The following FOCAD variants were observed in gnomAD, a reference collection of about 807,000 sequenced individuals.
FOCAD encodes the protein focadhesin, also known as KIAA1797.
In FOCAD, 198 loss-of-function variants were observed where a neutral mutation model predicts 225.6. The observed-to-expected ratio is 0.88, with a 90% confidence interval of 0.78 to 0.99. The LOEUF is 0.99. Among genes scored for constraint, FOCAD ranks in the 50% least tolerant of loss-of-function variants. FOCAD has a pLI of 0.00. For synonymous variants in FOCAD, 897 were observed against 755.0 expected, an observed-to-expected ratio of 1.19 and a Z score of -3.08; for missense variants, 2,713 against 2,123.6, an observed-to-expected ratio of 1.28 and a Z score of -5.46.
At chr9:20,781,622 T>C (rs1459299236) in intron 9 of FOCAD, 105 bp from the exon 10 acceptor site, 6 of 907,310 alleles carry the variant, frequency 6.6e-6, no homozygotes, top group Admixed American at 1.9e-5. Flanking sequence ...GACCCAGTTA[T>C]AAAAGGGAAG....
In FOCAD at chr9:20,797,028, C is replaced by A. The variant is rs867158598; in HGVS notation, c.1455+7420C>A. The stretch of plus-strand genomic sequence containing the variant: ...GGAAGGGATCCAGTTTCAGCTTTCT[C>A]CGTATGGCTAGCCAGTTTTCCCACC... On this transcript the variant is annotated intron_variant, in intron 11 of 43. Transcript: ENST00000338382. Among the ~76,000 whole-genome samples, 17 of 152,102 alleles carry A rather than the reference C, an allele frequency of 1.1e-4. No individual in the cohort carries two copies. The East Asian group carries it at 1.2e-3, about 10-fold the overall frequency.
At chr9:20,801,948 G>T (rs1821887466) in intron 11 of FOCAD, among the ~76,000 whole-genome samples, 1 of 152,114 alleles carries the variant, frequency 6.6e-6, no homozygotes, top group Non-Finnish European at 1.5e-5. Flanking sequence ...TGAGCACACA[G>T]TGCTTCTACC....
At chr9:20,936,288 A>T (rs572302877) in intron 28 of FOCAD, among the ~76,000 whole-genome samples, 1 of 152,216 alleles carries the variant, frequency 6.6e-6, no homozygotes, top group Non-Finnish European at 1.5e-5. Flanking sequence ...GGCCTTTAGG[A>T]ACTTATGATT....
chr9:20,657,801 G>C (rs202196112), upstream of FOCAD, among the ~76,000 whole-genome samples: 41,358 of 49,684 alleles, frequency 0.83, 18,886 homozygotes, highest in East Asian at 1. Context: ...CTCCATCCAG[G>C]TTTGTTCCGT....
intron 1 of FOCAD, among the ~76,000 whole-genome samples, chr9:20,714,626 GCCTGCCTGCCTT>G (rs1477265426): frequency 3.2e-4 from 38 of 118,780 alleles, no homozygotes; most frequent in East Asian, 2.2e-4. Flanking sequence ...CTGCCTGCCT[GCCTGCCTGCCTT>G]CCTTCCTTCC....
chr9:20,847,977 A>G (rs1203471282), intron 15 of FOCAD, among the ~76,000 whole-genome samples: 1 of 152,082 alleles, frequency 6.6e-6, no homozygotes, highest in Non-Finnish European at 1.5e-5. Flanking sequence ...GTGTGACTCA[A>G]GTATTCTATG....
intron 1 of FOCAD, among the ~76,000 whole-genome samples, chr9:20,685,641 T>G (rs1285250788): frequency 9.9e-5 from 15 of 152,248 alleles, no homozygotes; most frequent in Non-Finnish European, 1.6e-4. Flanking sequence ...AATGCAATTT[T>G]CAAAGCATTT....
intron 26 of FOCAD, 47 bp downstream of exon 26, chr9:20,926,464 C>T: frequency 8.4e-7 from 1 of 1,186,880 alleles, no homozygotes; most frequent in Non-Finnish European, 1.3e-6. Context: ...AGAATTGACT[C>T]TTATGACATC....
intron 11 of FOCAD, among the ~76,000 whole-genome samples, chr9:20,802,270 C>T (rs776899984): frequency 5.2e-4 from 79 of 152,006 alleles, no homozygotes; most frequent in Non-Finnish European, 9.9e-4. Flanking sequence ...TTCCTTTTGT[C>T]TCTAAAGAAA....
chr9:20,798,238 A>G (rs1202132306), intron 11 of FOCAD, among the ~76,000 whole-genome samples: 1 of 152,084 alleles, frequency 6.6e-6, no homozygotes, highest in Non-Finnish European at 1.5e-5. Context: ...GCGCTGCTGG[A>G]TTTGGTTTGC....
At chr9:20,842,674 C>T (rs544940060) in intron 15 of FOCAD, among the ~76,000 whole-genome samples, 1 of 151,992 alleles carries the variant, frequency 6.6e-6, no homozygotes, top group South Asian at 2.1e-4. Flanking sequence ...TCAGTCTATT[C>T]AGCCACTGTC....
intron 21 of FOCAD, among the ~76,000 whole-genome samples, chr9:20,901,939 T>C (rs776179346): frequency 1.3e-5 from 2 of 151,992 alleles, no homozygotes; most frequent in Non-Finnish European, 2.9e-5. Flanking sequence ...TCAACAACTC[T>C]GTGCCTATTT....
rs571500199 is a variant in FOCAD at position 20,665,937 on chromosome 9, G to A, written c.-78+7111G>A. Among the ~76,000 whole-genome samples, 5 of 151,956 alleles carry A rather than the reference G, an allele frequency of 3.3e-5. No individual in the cohort carries two copies. In the East Asian group the frequency reaches 7.7e-4, roughly 24 times the overall value. ...TTAGACGGAGTCTCGCTCTGTCACC[G>A]AGGTTGGAGTGCAATGGCGTGGTCT... On this transcript the variant is annotated intron_variant, in intron 2 of 45. Coordinates refer to the FOCAD transcript ENST00000380249.
intron 11 of FOCAD, among the ~76,000 whole-genome samples, chr9:20,808,993 C>CA (rs34611530): frequency 6.6e-6 from 1 of 152,184 alleles, no homozygotes; most frequent in African/African-American, 2.4e-5. Context: ...TATATTCCCC[C>CA]AAAAAATGTA....
At chr9:20,708,913 C>G (rs775722727) in intron 1 of FOCAD, among the ~76,000 whole-genome samples, 13 of 152,292 alleles carry the variant, frequency 8.5e-5, no homozygotes, top group Non-Finnish European at 1.3e-4. Context: ...TTGGACCCTC[C>G]TCCTCCAACT....
chr9:20,950,877 T>G lies in FOCAD; in HGVS notation c.3949-119T>G, dbSNP rs192675680. 6.9e-5 allele frequency: 53 copies of G among 764,124 alleles called. No homozygotes were observed. In the Admixed American group the frequency reaches 8.0e-4, roughly 12 times the overall value. The allele number at this position is 764,124 out of a possible 1,614,324, so 47.3% of individuals were successfully genotyped here. A position where few individuals can be genotyped will look rare whatever the true frequency, so the allele number is the denominator to read the frequency against. On this transcript the variant is annotated intron_variant, in intron 33 of 43. Transcript: ENST00000338382. ...ATGATATTACATCTTGTCATAGGAC[T>G]GCTCGTTGCCAGCCAAGCCACCACC...
At chr9:20,694,301 T>TGTTTTATTATTCAAAATAAAG (rs1363818180) in intron 1 of FOCAD, among the ~76,000 whole-genome samples, 9 of 152,350 alleles carry the variant, frequency 5.9e-5, no homozygotes, top group African/African-American at 1.2e-4. Flanking sequence ...ATAAGAGAAG[T>TGTTTTATTATTCAAAATAAAG]GTTTTATTAT....
At chr9:20,669,036 G>A (rs979627438) in intron 2 of FOCAD, among the ~76,000 whole-genome samples, 12 of 152,100 alleles carry the variant, frequency 7.9e-5, no homozygotes, top group African/African-American at 1.7e-4. Context: ...TTTGGAGACC[G>A]GAGGATGGAA....
At chr9:20,803,367 T>C (rs905912831) in intron 11 of FOCAD, among the ~76,000 whole-genome samples, 5 of 151,970 alleles carry the variant, frequency 3.3e-5, no homozygotes, top group African/African-American at 7.2e-5. Context: ...CCCCTTGTAG[T>C]TGGGGTGGAC....
Sources: gnomAD v4.1 joint callset for allele counts (sites outside exome capture counted in the v4.1 genomes callset) on GRCh38, gnomAD v4.1.1 for gene constraint, MANE v1.5 for transcripts, NCBI Gene and HGNC (gene_info 2026-07-23, HGNC 2026-07-21) for gene names.